Variants in CDC73 observed in about 807,000 individuals in gnomAD.
CDC73 encodes parafibromin.
A neutral mutation model predicts 83.7 loss-of-function variants in CDC73; 21 were observed. The observed-to-expected ratio is 0.25, with a 90% CI of 0.18 to 0.36. CDC73 has a LOEUF of 0.36. Ranked by LOEUF, CDC73 falls within the 10% of genes least tolerant of loss-of-function variation. The probability of loss-of-function intolerance (pLI) is 1.00; values close to 1 mark genes in which losing one functional copy is unlikely to be tolerated. For missense variants in CDC73, 342 were observed against 653.3 expected (o/e 0.52, Z 5.19); for synonymous variants, 224 against 212.9 (o/e 1.05, Z -0.45).
intron 9 of CDC73, among the ~76,000 whole-genome samples, chr1:193,151,236 G>T (rs1572160871): frequency 6.6e-6 from 1 of 151,986 alleles, no homozygotes; most frequent in Non-Finnish European, 1.5e-5. Context: ...CTTCATTTAA[G>T]TTTTTTTTAA....
chr1:193,207,001 G>A (rs555349011), intron 11 of CDC73, among the ~76,000 whole-genome samples: 21 of 152,184 alleles, frequency 1.4e-4, no homozygotes, highest in Non-Finnish European at 2.5e-4. Context: ...TGAAAGTATC[G>A]GGGGAACCAG....
intron 10 of CDC73, among the ~76,000 whole-genome samples, chr1:193,199,702 C>A: frequency 6.8e-6 from 1 of 146,824 alleles, no homozygotes; most frequent in African/African-American, 2.5e-5. Flanking sequence ...CAGAGCAAGA[C>A]TCCATCTCAA....
chr1:193,187,949 T>C (rs1380856566), intron 10 of CDC73, among the ~76,000 whole-genome samples: 2 of 152,248 alleles, frequency 1.3e-5, no homozygotes, highest in Non-Finnish European at 2.9e-5. Flanking sequence ...TATCCACCCA[T>C]ACTGCAATTC....
chr1:193,239,988 C>G (rs544915727), intron 15 of CDC73, among the ~76,000 whole-genome samples: 1 of 152,068 alleles, frequency 6.6e-6, no homozygotes, highest in South Asian at 2.1e-4. Context: ...CCTTTCATCC[C>G]TCTCCTTCCC....
chr1:193,232,531 A>G (rs985638219), intron 13 of CDC73, among the ~76,000 whole-genome samples: 1 of 152,194 alleles, frequency 6.6e-6, no homozygotes, highest in Non-Finnish European at 1.5e-5. Flanking sequence ...GGAAAGACCT[A>G]TACACTCCAT....
chr1:193,186,649 T>G (rs1040944461), intron 10 of CDC73: 1 of 152,100 alleles, frequency 6.6e-6, no homozygotes, highest in African/African-American at 2.4e-5. Context: ...AGAGCAGAAT[T>G]TAACGTCACT....
chr1:193,182,798 C>T (rs768574812), intron 10 of CDC73, among the ~76,000 whole-genome samples: 12 of 151,806 alleles, frequency 7.9e-5, no homozygotes, highest in Non-Finnish European at 1.6e-4. Context: ...ACCAATATGT[C>T]GAGGGAGTAG....
rs747337987 is a variant in CDC73, at chr1:193,135,395, A to G, written c.312A>G (p.Thr104=). The part of the protein sequence containing the change: ...LLGYLNGEAS[T]SASIDRSAPL... ...TGAATCTTTTTATGTCTTCAGCAAC[A>G]TCGGCAAGTATAGACAGAAGCGCTC... The change falls in exon 4 of 17, where the codon ACA becomes ACG. Residue 104 remains threonine, a synonymous_variant. Coordinates refer to ENST00000367435, the MANE Select transcript of CDC73 (RefSeq NM_024529.5). 2.5e-6 allele frequency: 4 copies of G among 1,612,660 alleles called. No individual in the cohort carries two copies. The highest frequency in any genetic ancestry group is 2.5e-6 in the Non-Finnish European group (3 of 1,178,718).
intron 15 of CDC73, among the ~76,000 whole-genome samples, chr1:193,241,648 G>A (rs1167165853): frequency 1.3e-5 from 2 of 152,212 alleles, no homozygotes; most frequent in Non-Finnish European, 2.9e-5. Context: ...GGGGGTGTGT[G>A]CGGGTGGGTA....
intron 10 of CDC73, among the ~76,000 whole-genome samples, chr1:193,154,839 C>T (rs181893637): frequency 1.3e-5 from 2 of 151,962 alleles, no homozygotes; most frequent in African/African-American, 4.8e-5. Flanking sequence ...TGAGTTGCAC[C>T]AACTTTCTAC....
chr1:193,137,161 A>G (rs760002576), intron 5 of CDC73, among the ~76,000 whole-genome samples: 8 of 152,240 alleles, frequency 5.3e-5, no homozygotes, highest in Admixed American at 2.6e-4. Context: ...TTATCTTTAA[A>G]ATCAGTAGTA....
At chr1:193,122,518 A>G in intron 1 of CDC73, 187 bp downstream of exon 1, 3 of 656,760 alleles carry the variant, frequency 4.6e-6, no homozygotes, top group Non-Finnish European at 2.6e-6. Context: ...GCGGAGCTCT[A>G]GAGCAGTTCA....
intron 10 of CDC73, among the ~76,000 whole-genome samples, chr1:193,157,245 A>C (rs1163462378): frequency 6.6e-6 from 1 of 152,074 alleles, no homozygotes; most frequent in East Asian, 1.9e-4. Context: ...GCTTGTAGGA[A>C]AGTTTGTTTT....
chr1:193,179,646 CA>C (rs1167444173), intron 10 of CDC73: 1 of 152,344 alleles, frequency 6.6e-6, no homozygotes, highest in African/African-American at 2.4e-5. Context: ...CACGTCATGT[CA>C]AAATAATTTT....
At chr1:193,243,872 AATGTTT>A (rs1420126749) in intron 15 of CDC73, among the ~76,000 whole-genome samples, 1 of 152,182 alleles carries the variant, frequency 6.6e-6, no homozygotes, top group Non-Finnish European at 1.5e-5. Context: ...ATTCATTTTA[AATGTTT>A]ATTAAGAATT....
At chr1:193,150,577 C>A (rs554534563) in intron 9 of CDC73, among the ~76,000 whole-genome samples, 195 bp downstream of exon 9, 1 of 152,254 alleles carries the variant, frequency 6.6e-6, no homozygotes, top group East Asian at 1.9e-4. Context: ...TATATGGCTG[C>A]TTTGGCTTTG....
At chr1:193,244,212 AC>A (rs1677912334) in intron 15 of CDC73, among the ~76,000 whole-genome samples, 1 of 152,232 alleles carries the variant, frequency 6.6e-6, no homozygotes, top group Non-Finnish European at 1.5e-5. Flanking sequence ...TTATTTTATA[AC>A]CTACCTGTTT....
intron 3 of CDC73, 127 bp downstream of exon 3, chr1:193,130,370 C>A: frequency 1.4e-6 from 1 of 720,020 alleles, no homozygotes; most frequent in Non-Finnish European, 2.5e-6. Context: ...CATTTTTGTC[C>A]ATGTGCTCAC....
intron 10 of CDC73, among the ~76,000 whole-genome samples, chr1:193,183,147 A>T (rs1446539068): frequency 1.3e-5 from 2 of 151,842 alleles, no homozygotes; most frequent in Non-Finnish European, 2.9e-5. Context: ...TCACATACAT[A>T]ACGTTAAGTA....
Sources: allele counts gnomAD v4.1 joint callset (sites outside exome capture counted in the v4.1 genomes callset), GRCh38; gene constraint gnomAD v4.1.1; transcripts MANE v1.5; gene names NCBI Gene and HGNC (gene_info 2026-07-23, HGNC 2026-07-21).